The following ATP7A variants were observed in gnomAD, a reference collection of about 807,000 sequenced individuals.
The protein encoded by ATP7A is ATPase copper transporting alpha, also known as copper-transporting ATPase 1.
In ATP7A, 7 loss-of-function variants were observed where a neutral mutation model predicts 83.5. The observed-to-expected ratio is 0.08, with a 90% CI of 0.05 to 0.16. ATP7A has a LOEUF of 0.16. Ranked by LOEUF, ATP7A falls within the 10% of genes least tolerant of loss-of-function variation. The pLI is 1.00. For missense variants in ATP7A, 940 were observed against 1,120.8 expected (o/e 0.84, Z 2.30); for synonymous variants, 354 against 395.2 (o/e 0.90, Z 1.24).
At chrX:77,968,559 C>A (rs2077523568) in intron 1 of ATP7A, among the ~76,000 whole-genome samples, 1 of 111,953 alleles carries the variant, frequency 8.9e-6, no homozygotes, top group African/African-American at 3.2e-5. Context: ...TGTTCCTCCC[C>A]AAAGTCCTTA....
At chrX:77,985,028 A>AT (rs1305834356) in intron 2 of ATP7A, among the ~76,000 whole-genome samples, 76 of 107,050 alleles carry the variant, frequency 7.1e-4, no homozygotes, top group Admixed American at 1.2e-3. Context: ...TGACAAAGTG[A>AT]TTTTTTTTTT....
At position 77,913,510 on chromosome X, in the gene ATP7A, A is replaced by AAT. The variant is rs2077171275; in HGVS notation, c.-22+2675_-22+2676insAT. Among the ~76,000 whole-genome samples, 36 of 111,889 alleles carry AAT rather than the reference A, an allele frequency of 3.2e-4. No homozygotes were observed. The South Asian group carries it at 0.013, about 40-fold the overall frequency. Reference sequence around the variant, plus strand: ...ATCATGTTTTTCCCTCTTAAATCTCAGTCTTCAGGTTGATTTAATGTGATA... The same window carrying AAT: ...ATCATGTTTTTCCCTCTTAAATCTCAATGTCTTCAGGTTGATTTAATGTGATA... On this transcript the variant is annotated intron_variant, in intron 1 of 22. Coordinates refer to ENST00000341514, the MANE Select transcript of ATP7A (RefSeq NM_000052.7).
chrX:78,028,072 G>T (rs2077958822), intron 14 of ATP7A, among the ~76,000 whole-genome samples: 2 of 109,625 alleles, frequency 1.8e-5, no homozygotes, highest in Admixed American at 9.9e-5. Flanking sequence ...GCCCAGGCAG[G>T]AATGCAGTGG....
chrX:78,015,991 G>T, intron 12 of ATP7A, 110 bp downstream of exon 12: 1 of 895,950 alleles, frequency 1.1e-6, no homozygotes, highest in Non-Finnish European at 1.6e-6. Flanking sequence ...GAGAGAATAA[G>T]TTCTTTTAAG....
intron 4 of ATP7A, among the ~76,000 whole-genome samples, chrX:77,993,498 T>C (rs898198199): frequency 8.9e-6 from 1 of 112,095 alleles, no homozygotes; most frequent in African/African-American, 3.2e-5. Flanking sequence ...ACCTTTAAAT[T>C]CTAAATTAAA....
At chrX:77,933,470 A>G (rs1237906744) in intron 1 of ATP7A, among the ~76,000 whole-genome samples, 2 of 112,092 alleles carry the variant, frequency 1.8e-5, no homozygotes, top group Non-Finnish European at 3.8e-5. Flanking sequence ...CCAAGTAGCA[A>G]TAGGTGGTAC....
intron 1 of ATP7A, among the ~76,000 whole-genome samples, chrX:77,941,290 C>T (rs2077349889): frequency 8.9e-6 from 1 of 112,033 alleles, no homozygotes; most frequent in Non-Finnish European, 1.9e-5. Context: ...TAAAATATAG[C>T]ATATCCACAT....
Position 78,022,563 on chromosome X carries a change from G to A in ATP7A, c.2916+1484G>A, listed in dbSNP as rs182160575. On this transcript the variant is annotated intron_variant, in intron 14 of 22. Coordinates refer to ENST00000341514, the MANE Select transcript of ATP7A (RefSeq NM_000052.7). ...GACAGAGTCTTGCTCTGTTGCCCAG[G>A]CTGGAGTGCAGTGGCACGATCTCGG... is the stretch of plus-strand genomic sequence containing the variant. 1.1e-4 allele frequency among the ~76,000 whole-genome samples: 12 copies of A among 108,988 alleles called. No homozygotes were observed. The East Asian group carries it at 3.4e-3, about 31-fold the overall frequency. 94.6% of individuals were successfully genotyped at this position (108,988 alleles called of 115,157 possible).
intron 1 of ATP7A, among the ~76,000 whole-genome samples, chrX:77,931,311 A>C (rs2077272930): frequency 9.0e-6 from 1 of 110,724 alleles, no homozygotes; most frequent in Admixed American, 9.6e-5. Context: ...CACATGTTTC[A>C]GAGAGCACAG....
At position 78,014,139 on chromosome X, in the gene ATP7A, G is replaced by A. The variant is rs927506020; in HGVS notation, c.2407-523G>A. Among the ~76,000 whole-genome samples the A allele has an allele frequency of 3.6e-5, 4 of 110,635 alleles. No homozygotes were observed. In the South Asian group the frequency reaches 1.1e-3, roughly 32 times the overall value. ...TGTGTACTTTTAGGCTGGGCGCGGT[G>A]GCTCATGCCTGTAATCCCAGCGCTT... On this transcript the variant is annotated intron_variant, in intron 10 of 22. Transcript: ENST00000341514.
chrX:77,940,929 G>A (rs1277201873), intron 1 of ATP7A, among the ~76,000 whole-genome samples: 4 of 112,141 alleles, frequency 3.6e-5, no homozygotes. Context: ...TACTGCTAGT[G>A]TAAGTGTGAA....
chrX:78,018,831 G>A (rs1297945133), intron 12 of ATP7A, among the ~76,000 whole-genome samples: 3 of 111,918 alleles, frequency 2.7e-5, no homozygotes, highest in Admixed American at 9.5e-5. Context: ...TAAAATCTTG[G>A]CAGAAGGTGA....
intron 4 of ATP7A, among the ~76,000 whole-genome samples, chrX:77,990,224 G>A (rs2077661661): frequency 9.0e-6 from 1 of 111,697 alleles, no homozygotes; most frequent in South Asian, 3.6e-4. Context: ...AAAACATTAT[G>A]GTATTAAAGA....
intron 5 of ATP7A, among the ~76,000 whole-genome samples, chrX:78,000,663 T>C (rs1041867706): frequency 3.0e-4 from 32 of 107,559 alleles, no homozygotes; most frequent in Non-Finnish European, 3.8e-4. Flanking sequence ...AATATATAAA[T>C]ATATATGTAA....
At chrX:77,913,451 G>A (rs2077170862) in intron 1 of ATP7A, among the ~76,000 whole-genome samples, 1 of 111,422 alleles carries the variant, frequency 9.0e-6, no homozygotes, top group South Asian at 3.7e-4. Context: ...CAATGGTTAG[G>A]CAGAGTATTT....
At chrX:77,998,339 A>T in intron 4 of ATP7A, 139 bp from the exon 5 acceptor site, 1 of 585,377 alleles carries the variant, frequency 1.7e-6, no homozygotes, top group Non-Finnish European at 2.9e-6. Flanking sequence ...GAGATAACTT[A>T]ATGCTAACGG....
At chrX:78,015,142 A>G (rs2077852958) in intron 11 of ATP7A, among the ~76,000 whole-genome samples, 1 of 112,442 alleles carries the variant, frequency 8.9e-6, no homozygotes, top group African/African-American at 3.2e-5. Flanking sequence ...AATAGAATTC[A>G]AACAAGATCC....
intron 1 of ATP7A, among the ~76,000 whole-genome samples, chrX:77,960,352 C>T (rs782803578): frequency 8.0e-4 from 90 of 112,162 alleles, no homozygotes; most frequent in Middle Eastern, 4.6e-3. Context: ...ACTGCACTCC[C>T]GCCTGAGCGA....
chrX:77,992,254 G>A (rs1557232145), intron 4 of ATP7A, among the ~76,000 whole-genome samples: 1 of 108,765 alleles, frequency 9.2e-6, no homozygotes, highest in African/African-American at 3.3e-5. Flanking sequence ...TAGTAGAGAT[G>A]GGGTTTCACC....
Sources: gnomAD v4.1 joint callset for allele counts (sites outside exome capture counted in the v4.1 genomes callset) on GRCh38, gnomAD v4.1.1 for gene constraint, MANE v1.5 for transcripts, NCBI Gene and HGNC (gene_info 2026-07-23, HGNC 2026-07-21) for gene names.